The following L3MBTL4 variants were observed in gnomAD, a reference collection of about 807,000 sequenced individuals.
L3MBTL4 encodes L3MBTL histone methyl-lysine binding protein 4, also known as lethal(3)malignant brain tumor-like protein 4.
A neutral mutation model predicts 84.5 loss-of-function variants in L3MBTL4; 70 were observed. The ratio of observed to expected loss-of-function variants is 0.83; its 90% confidence interval spans 0.68 to 1.01. L3MBTL4 has a LOEUF of 1.01. Ranked by LOEUF, L3MBTL4 falls within the 50% of genes least tolerant of loss-of-function variation. The probability of loss-of-function intolerance (pLI) is 0.00; values close to 1 mark genes in which losing one functional copy is unlikely to be tolerated. For missense variants in L3MBTL4, 715 were observed against 754.8 expected, an observed-to-expected ratio of 0.95 and a Z score of 0.62; for synonymous variants, 274 against 259.8, an observed-to-expected ratio of 1.05 and a Z score of -0.52.
intron 4 of L3MBTL4, among the ~76,000 whole-genome samples, chr18:6,270,480 T>C (rs763057973): frequency 6.6e-6 from 1 of 152,148 alleles, no homozygotes; most frequent in Non-Finnish European, 1.5e-5. Context: ...GGACTCAGTG[T>C]TTCGACGAAT....
At chr18:6,355,276 T>C (rs2053387763) in intron 1 of L3MBTL4, among the ~76,000 whole-genome samples, 1 of 152,228 alleles carries the variant, frequency 6.6e-6, no homozygotes, top group African/African-American at 2.4e-5. Flanking sequence ...CATGCCTGTA[T>C]CAAAACATCT....
intron 13 of L3MBTL4, among the ~76,000 whole-genome samples, chr18:6,169,823 T>TATA (rs370314372): frequency 0.023 from 3,434 of 150,794 alleles, 39 homozygotes; most frequent in Middle Eastern, 0.042. Context: ...AAACTTAAAG[T>TATA]ATAATAATAA....
intron 14 of L3MBTL4, among the ~76,000 whole-genome samples, chr18:6,105,939 T>G (rs1251522938): frequency 6.6e-6 from 1 of 152,184 alleles, no homozygotes; most frequent in African/African-American, 2.4e-5. Flanking sequence ...ACTTGATTAG[T>G]CTAATATTAA....
intron 3 of L3MBTL4, among the ~76,000 whole-genome samples, chr18:6,310,079 T>G (rs2050759030): frequency 6.6e-6 from 1 of 152,096 alleles, no homozygotes; most frequent in African/African-American, 2.4e-5. Flanking sequence ...AACCTCCAGG[T>G]GATGCTGATG....
At chr18:6,298,546 C>T (rs958272824) in intron 4 of L3MBTL4, among the ~76,000 whole-genome samples, 2 of 152,120 alleles carry the variant, frequency 1.3e-5, no homozygotes, top group Admixed American at 6.6e-5. Flanking sequence ...TTTTCTTTTA[C>T]AATTTCTTAT....
intron 16 of L3MBTL4, among the ~76,000 whole-genome samples, chr18:6,059,004 C>CA (rs2057116949): frequency 6.6e-6 from 1 of 152,208 alleles, no homozygotes; most frequent in Non-Finnish European, 1.5e-5. Context: ...GGGCTGTCCA[C>CA]TCTCCCACAG....
intron 16 of L3MBTL4, among the ~76,000 whole-genome samples, chr18:5,998,130 C>T (rs1161398643): frequency 1.3e-5 from 2 of 152,208 alleles, no homozygotes; most frequent in East Asian, 3.9e-4. Context: ...CAAATCTCAG[C>T]CCTGCCTGAT....
chr18:6,033,583 G>A (rs777539378), intron 16 of L3MBTL4, among the ~76,000 whole-genome samples: 1 of 152,024 alleles, frequency 6.6e-6, no homozygotes, highest in African/African-American at 2.4e-5. Context: ...TTGTAATTAC[G>A]ATTACATTTC....
intron 16 of L3MBTL4, among the ~76,000 whole-genome samples, chr18:5,999,373 C>T (rs753998433): frequency 6.6e-6 from 1 of 152,224 alleles, no homozygotes; most frequent in African/African-American, 2.4e-5. Flanking sequence ...AGCACTTACC[C>T]TATGCTACCC....
Position 6,077,969 on chromosome 18 carries a change from A to G in L3MBTL4, c.1444+2912T>C, listed in dbSNP as rs549740588. Among the ~76,000 whole-genome samples, 3 of 152,224 alleles carry G rather than the reference A, an allele frequency of 2.0e-5. No individual in the cohort carries two copies. The South Asian group carries it at 6.2e-4, about 32-fold the overall frequency. On this transcript the variant is annotated intron_variant, in intron 16 of 18. Transcript: ENST00000317931. ...GCTTGAACCCTGAAGCAGAGGTTAC[A>G]GTGAGCCAAGATCGCGCCACTGCAC...
intron 14 of L3MBTL4, among the ~76,000 whole-genome samples, chr18:6,095,947 AC>A (rs2058629088): frequency 6.6e-6 from 1 of 152,176 alleles, no homozygotes; most frequent in South Asian, 2.1e-4. Flanking sequence ...CTTAAGAGAG[AC>A]TGAGAAATAT....
At chr18:6,289,800 C>G (rs1293567358) in intron 4 of L3MBTL4, among the ~76,000 whole-genome samples, 3 of 152,152 alleles carry the variant, frequency 2.0e-5, no homozygotes, top group Non-Finnish European at 4.4e-5. Flanking sequence ...TGTTTTCATG[C>G]AGTATAACTT....
intron 9 of L3MBTL4, 103 bp downstream of exon 9, chr18:6,239,615 T>C: frequency 9.0e-7 from 1 of 1,111,762 alleles, no homozygotes; most frequent in Non-Finnish European, 1.3e-6. Context: ...CTAATGCTCA[T>C]CACTATTAGA....
chr18:6,008,530 C>T (rs147445123), intron 16 of L3MBTL4, among the ~76,000 whole-genome samples: 1 of 152,084 alleles, frequency 6.6e-6, no homozygotes, highest in South Asian at 2.1e-4. Flanking sequence ...CGTGGCCTTT[C>T]CTAGGTGTGT....
intron 1 of L3MBTL4, among the ~76,000 whole-genome samples, chr18:6,348,531 A>G (rs1051534926): frequency 1.3e-5 from 2 of 152,182 alleles, no homozygotes; most frequent in Non-Finnish European, 2.9e-5. Flanking sequence ...TGGGGCCAAT[A>G]TAACCCATAC....
chr18:6,081,941 G>A (rs544610176), intron 15 of L3MBTL4, among the ~76,000 whole-genome samples: 44 of 152,180 alleles, frequency 2.9e-4, no homozygotes, highest in Middle Eastern at 6.8e-3. Flanking sequence ...CTCCAACTTT[G>A]GACTTTACCA....
chr18:6,185,198 T>C (rs1015609326), intron 12 of L3MBTL4, among the ~76,000 whole-genome samples: 3 of 152,142 alleles, frequency 2.0e-5, no homozygotes, highest in African/African-American at 7.2e-5. Context: ...GGCATTGATT[T>C]AGGAGTCATA....
chr18:6,198,366 G>A (rs993367523), intron 12 of L3MBTL4, among the ~76,000 whole-genome samples: 9 of 152,078 alleles, frequency 5.9e-5, no homozygotes, highest in East Asian at 1.9e-4. Flanking sequence ...ACACTACATC[G>A]AAACCCAGAA....
At chr18:6,096,510 C>T (rs1408104120) in intron 14 of L3MBTL4, among the ~76,000 whole-genome samples, 2 of 152,152 alleles carry the variant, frequency 1.3e-5, no homozygotes, top group African/African-American at 2.4e-5. Flanking sequence ...TGGTTCTTTG[C>T]AGAGAAATAG....
Sources: gnomAD v4.1 joint callset for allele counts (sites outside exome capture counted in the v4.1 genomes callset) on GRCh38, gnomAD v4.1.1 for gene constraint, MANE v1.5 for transcripts, NCBI Gene and HGNC (gene_info 2026-07-23, HGNC 2026-07-21) for gene names.